ZNF254: variants seen among roughly 807,000 people sequenced by gnomAD.
ZNF254 encodes CTD-2017D11.1.
ZNF254 carries 10 observed loss-of-function variants against 12.4 expected under a neutral mutation model. That is an observed-to-expected ratio of 0.80 (90% CI 0.50 to 1.36). The LOEUF is 1.36. Ranked by LOEUF, ZNF254 falls within the 40% of genes most tolerant of loss-of-function variation. ZNF254 has a pLI of 0.00. For missense variants in ZNF254, 996 were observed against 763.9 expected (o/e 1.30, Z -3.58); for synonymous variants, 305 against 253.4 (o/e 1.20, Z -1.93).
intron 3 of ZNF254, among the ~76,000 whole-genome samples, chr19:24,116,495 T>G (rs1439631452): frequency 6.6e-6 from 1 of 152,142 alleles, no homozygotes; most frequent in East Asian, 1.9e-4. Context: ...CATCAGCTCC[T>G]GAGGCTTCTG....
chr19:24,102,160 T>C (rs769208827), intron 1 of ZNF254, among the ~76,000 whole-genome samples: 1 of 152,098 alleles, frequency 6.6e-6, no homozygotes, highest in Non-Finnish European at 1.5e-5. Context: ...ATGGGCTTTA[T>C]TTGGGCCATT....
In ZNF254 at chr19:24,039,350, A is replaced by T. The variant is rs75877156; in HGVS notation, c.-190+5729A>T. Among the ~76,000 whole-genome samples the T allele has an allele frequency of 2.1e-3, 318 of 152,374 alleles. 1 individual carries two copies. Among genetic ancestry groups the T allele is most frequent in the Non-Finnish European group, 3.2e-3 (217 of 68,028 alleles). ...GTTAGGGCCACAACTGTCCAGAGCCATGAATGCATGAATGCAACCCCATCT... is the reference window on the plus strand; with the variant it reads ...GTTAGGGCCACAACTGTCCAGAGCCTTGAATGCATGAATGCAACCCCATCT... On this transcript the variant is annotated intron_variant, in intron 1 of 4. Coordinates refer to the ZNF254 transcript ENST00000613065.
At chr19:24,082,604 C>A (rs12975460), upstream of ZNF254, among the ~76,000 whole-genome samples, 2 of 102,192 alleles carry the variant, frequency 2.0e-5, no homozygotes, top group East Asian at 3.1e-4. Context: ...GAGCCCAGAT[C>A]GCGCCAATGC....
intron 1 of ZNF254, among the ~76,000 whole-genome samples, chr19:24,090,943 A>ATTTT (rs869068959): frequency 1.5e-3 from 137 of 89,634 alleles, no homozygotes; most frequent in Non-Finnish European, 1.9e-3. Context: ...TGGAGGAGTG[A>ATTTT]TTTTTTTTTT....
intron 2 of ZNF254, among the ~76,000 whole-genome samples, chr19:24,071,823 A>G (rs1971492140): frequency 6.6e-6 from 1 of 152,196 alleles, no homozygotes; most frequent in African/African-American, 2.4e-5. Context: ...GGAGAGTTAC[A>G]TCACTTAGGT....
chr19:24,043,126 TTTTTA>T (rs1970240797), intron 1 of ZNF254, among the ~76,000 whole-genome samples: 1 of 152,176 alleles, frequency 6.6e-6, no homozygotes, highest in South Asian at 2.1e-4. Flanking sequence ...GTTTTGTAGG[TTTTTA>T]TTTTATTTCA....
intron 1 of ZNF254, among the ~76,000 whole-genome samples, chr19:24,088,944 A>G (rs1972194306): frequency 7.0e-6 from 1 of 143,588 alleles, no homozygotes; most frequent in Non-Finnish European, 1.5e-5. Flanking sequence ...GACGTGAGCC[A>G]TCTCGCCTGG....
chr19:24,105,841 T>A, intron 1 of ZNF254, 99 bp from the exon 2 acceptor site: 2 of 1,505,652 alleles, frequency 1.3e-6, no homozygotes, highest in Non-Finnish European at 1.8e-6. Flanking sequence ...CTCTTATAAG[T>A]CAGAACCAGT....
At chr19:24,108,794 G>C (rs1973488107) in intron 3 of ZNF254, among the ~76,000 whole-genome samples, 1 of 152,066 alleles carries the variant, frequency 6.6e-6, no homozygotes, top group African/African-American at 2.4e-5. Flanking sequence ...CAGACATTTA[G>C]GGCAATATAA....
At chr19:24,053,486 C>A (rs1048083376) in intron 2 of ZNF254, among the ~76,000 whole-genome samples, 3 of 151,950 alleles carry the variant, frequency 2.0e-5, no homozygotes, top group Non-Finnish European at 4.4e-5. Flanking sequence ...CTGGACCCAG[C>A]ATTTAGGTGA....
chr19:24,062,679 CTT>C (rs1488049106), intron 2 of ZNF254, among the ~76,000 whole-genome samples: 1 of 152,152 alleles, frequency 6.6e-6, no homozygotes, highest in African/African-American at 2.4e-5. Context: ...CTGAATCTCA[CTT>C]TTGGAGGCAG....
At position 24,127,270 on chromosome 19, in the gene ZNF254, C is replaced by A. The variant is rs200486449; in HGVS notation, c.1270C>A (p.His424Asn). 40 of 1,613,456 alleles carry A rather than the reference C, an allele frequency of 2.5e-5. No individual in the cohort carries two copies. Among genetic ancestry groups the A allele is most frequent in the Non-Finnish European group, 2.9e-5 (34 of 1,179,764 alleles). Residue 424 changes from histidine to asparagine, a missense_variant, in exon 4 of 4, where the codon CAT (histidine) becomes AAT (asparagine). His to Asn is a moderately conservative substitution (Grantham distance 68). Transcript: ENST00000357002. ...TAATCGATCTTCAAATCTTACTACA[C>A]ATAAGATAATTCATACTGGAGAGAA... ...GFNRSSNLTT[H>N]KIIHTGEKPY...
chr19:24,050,692 A>G (rs902460143), intron 2 of ZNF254, among the ~76,000 whole-genome samples: 6 of 152,124 alleles, frequency 3.9e-5, no homozygotes, highest in Non-Finnish European at 1.5e-5. Flanking sequence ...TCTCCCTGGG[A>G]CCTGTCCACA....
At chr19:24,053,323 G>T (rs766361947) in intron 2 of ZNF254, among the ~76,000 whole-genome samples, 1 of 152,148 alleles carries the variant, frequency 6.6e-6, no homozygotes, top group Non-Finnish European at 1.5e-5. Flanking sequence ...AGGGTATTTT[G>T]TCTCATACCT....
intron 2 of ZNF254, among the ~76,000 whole-genome samples, chr19:24,059,253 GC>G (rs1470891406): frequency 2.0e-5 from 3 of 152,172 alleles, no homozygotes; most frequent in African/African-American, 7.2e-5. Flanking sequence ...CCCTGTGTTT[GC>G]CTGTAAGAGA....
chr19:24,123,401 A>G (rs373949934), intron 3 of ZNF254, among the ~76,000 whole-genome samples: 10 of 152,346 alleles, frequency 6.6e-5, no homozygotes, highest in Admixed American at 2.6e-4. Context: ...AGTGTTCTCC[A>G]TAACTCTGTT....
At chr19:24,035,663 C>T (rs1446440491) in intron 1 of ZNF254, among the ~76,000 whole-genome samples, 9 of 152,014 alleles carry the variant, frequency 5.9e-5, no homozygotes, top group Non-Finnish European at 1.2e-4. Context: ...CAGAGCGAGA[C>T]TCGGTCTCAA....
chr19:24,045,742 C>T (rs1047360178), intron 1 of ZNF254, among the ~76,000 whole-genome samples: 4 of 151,754 alleles, frequency 2.6e-5, no homozygotes, highest in African/African-American at 9.7e-5. Flanking sequence ...AGCCATCTCT[C>T]GGTCGCTGGC....
At chr19:24,051,163 CTT>C (rs1970631438) in intron 2 of ZNF254, among the ~76,000 whole-genome samples, 1 of 151,782 alleles carries the variant, frequency 6.6e-6, no homozygotes, top group South Asian at 2.1e-4. Context: ...GGTAATATAA[CTT>C]TTATTTTTTT....
Sources: gnomAD v4.1 joint callset for allele counts (sites outside exome capture counted in the v4.1 genomes callset) on GRCh38, gnomAD v4.1.1 for gene constraint, MANE v1.5 for transcripts, NCBI Gene and HGNC (gene_info 2026-07-23, HGNC 2026-07-21) for gene names.